Variants in SPATA6L observed in about 807,000 individuals in gnomAD.
SPATA6L encodes the protein spermatogenesis associated 6 like, also known as spermatogenesis associated 6-like protein.
Under a neutral mutation model 49.2 loss-of-function variants are expected in SPATA6L, and 68 were observed. The ratio of observed to expected loss-of-function variants is 1.38; its 90% CI spans 1.14 to 1.69. The LOEUF is 1.69. SPATA6L is among the 40% of genes most tolerant of loss of function. The probability of loss-of-function intolerance (pLI) is 0.00; values close to 1 mark genes in which losing one functional copy is unlikely to be tolerated. For synonymous variants in SPATA6L, 198 were observed against 165.7 expected, an observed-to-expected ratio of 1.19 and a Z score of -1.50; for missense variants, 668 against 464.3, an observed-to-expected ratio of 1.44 and a Z score of -4.03.
intron 13 of SPATA6L, among the ~76,000 whole-genome samples, chr9:4,590,037 C>T (rs1017776430): frequency 6.6e-6 from 1 of 152,170 alleles, no homozygotes; most frequent in African/African-American, 2.4e-5. Context: ...GATTCTCCCG[C>T]CTCAGCCTCC....
At chr9:4,607,660 G>C (rs1344307550) in intron 9 of SPATA6L, among the ~76,000 whole-genome samples, 1 of 151,832 alleles carries the variant, frequency 6.6e-6, no homozygotes, top group African/African-American at 2.4e-5. Flanking sequence ...AACATGGAAA[G>C]GAACAACCGG....
chr9:4,619,608 T>A (rs1587112166), intron 7 of SPATA6L, among the ~76,000 whole-genome samples: 1 of 152,194 alleles, frequency 6.6e-6, no homozygotes, highest in East Asian at 1.9e-4. Flanking sequence ...ATATAAAATT[T>A]ATAAACTCTG....
chr9:4,643,868 G>A (rs960430483), intron 3 of SPATA6L, among the ~76,000 whole-genome samples: 3 of 151,998 alleles, frequency 2.0e-5, no homozygotes, highest in Non-Finnish European at 2.9e-5. Context: ...TTAGCTGGAC[G>A]CATTGGCAGG....
At chr9:4,589,673 T>C (rs1564077231) in intron 13 of SPATA6L, among the ~76,000 whole-genome samples, 1 of 152,192 alleles carries the variant, frequency 6.6e-6, no homozygotes, top group Non-Finnish European at 1.5e-5. Flanking sequence ...GAGATGTACC[T>C]TCACATAACA....
intron 2 of SPATA6L, among the ~76,000 whole-genome samples, chr9:4,660,996 A>G (rs1839556560): frequency 6.6e-6 from 1 of 152,180 alleles, no homozygotes; most frequent in Non-Finnish European, 1.5e-5. Context: ...ACACTTGGAC[A>G]CAGGGTGGGG....
At chr9:4,661,830 AC>A in intron 2 of SPATA6L, 68 bp downstream of exon 2, 1 of 1,556,992 alleles carries the variant, frequency 6.4e-7, no homozygotes, top group Non-Finnish European at 8.8e-7. Flanking sequence ...TGCTGTAAGA[AC>A]TCTGTTCTTT....
rs1482148707 is a variant in SPATA6L, at chr9:4,606,742, CT to C, written c.996-1303del. Among the ~76,000 whole-genome samples, 4 of 146,538 alleles carry C rather than the reference CT, an allele frequency of 2.7e-5. No individual in the cohort carries two copies. The Admixed American group carries it at 2.8e-4, about 10-fold the overall frequency. Reference sequence around the variant, plus strand: ...AACTCTAAAAAGCAGAGCGCCTCTCCTCCTCCAAAGGAATGCAGTTCCTCAC... The same window carrying C: ...AACTCTAAAAAGCAGAGCGCCTCTCCCCTCCAAAGGAATGCAGTTCCTCAC... On this transcript the variant is annotated intron_variant, in intron 9 of 11. Transcript: ENST00000682582.
intron 3 of SPATA6L, among the ~76,000 whole-genome samples, chr9:4,641,418 T>C (rs1834010940): frequency 6.6e-6 from 1 of 152,012 alleles, no homozygotes; most frequent in Admixed American, 6.6e-5. Context: ...AAATAAGAAA[T>C]AAAATGGTGT....
In SPATA6L at chr9:4,599,706, T is replaced by C. The variant is rs987697700; in HGVS notation, c.*1105A>G. On this transcript the variant is annotated 3_prime_UTR_variant, in exon 12 of 12. Transcript: ENST00000682582. ...CAGTGGAAGGGGCAAACGAGCTCCCTTGAGCCTATTTATAGGGCACTAATC... is the reference window on the plus strand; with the variant it reads ...CAGTGGAAGGGGCAAACGAGCTCCCCTGAGCCTATTTATAGGGCACTAATC... 5.3e-5 allele frequency among the ~76,000 whole-genome samples: 8 copies of C among 152,336 alleles called. No individual in the cohort carries two copies. Among genetic ancestry groups the C allele is most frequent in the East Asian group, 1.9e-4 (1 of 5,180 alleles).
chr9:4,604,981 C>A (rs1477730578), intron 10 of SPATA6L, among the ~76,000 whole-genome samples: 2 of 152,212 alleles, frequency 1.3e-5, no homozygotes, highest in African/African-American at 2.4e-5. Flanking sequence ...CAACTGTATT[C>A]TTCCCTGGAC....
At chr9:4,648,437 C>T (rs150450266) in intron 3 of SPATA6L, among the ~76,000 whole-genome samples, 3,346 of 152,164 alleles carry the variant, frequency 0.022, 117 homozygotes, top group African/African-American at 0.077. Context: ...CCGTGGCTCA[C>T]GCCTGTAATC....
intron 7 of SPATA6L, among the ~76,000 whole-genome samples, chr9:4,619,159 T>TC (rs1828698985): frequency 1.4e-5 from 2 of 145,804 alleles, no homozygotes; most frequent in Non-Finnish European, 3.0e-5. Flanking sequence ...TTTTCTCTTT[T>TC]TTTTTTTTTT....
downstream of SPATA6L, among the ~76,000 whole-genome samples, chr9:4,597,177 G>T (rs1822330673): frequency 6.6e-6 from 1 of 152,142 alleles, no homozygotes; most frequent in Non-Finnish European, 1.5e-5. Context: ...ACTCGGAGGG[G>T]CGCAGTGGCT....
At position 4,653,867 on chromosome 9, in the gene SPATA6L, G is replaced by C. The variant is rs116724175; in HGVS notation, c.226+2174C>G. ...TGGGAAGATCACTTGAGCCCAGAAA[G>C]TTGAGGCTTCAGTAAGCTATGATCG... On this transcript the variant is annotated intron_variant, in intron 3 of 11. Coordinates refer to ENST00000682582, the MANE Select transcript of SPATA6L (RefSeq NM_001353486.2). Among the ~76,000 whole-genome samples the C allele has an allele frequency of 2.1e-3, 324 of 152,342 alleles. 1 individual carries two copies. The highest frequency in any genetic ancestry group is 7.2e-3 in the African/African-American group (298 of 41,576).
chr9:4,635,051 A>T (rs893400696), intron 4 of SPATA6L, among the ~76,000 whole-genome samples: 4 of 152,352 alleles, frequency 2.6e-5, no homozygotes, highest in African/African-American at 9.6e-5. Context: ...TGACAATGTA[A>T]ATATGGCAAT....
At position 4,605,279 on chromosome 9, in the gene SPATA6L, C is replaced by A; in HGVS notation, c.1089+68G>T. ...ATTTGATTAATGTCTGTCTCCCCGA[C>A]TAGACTGTAGGTCCCTGTTCACATA... is the stretch of plus-strand genomic sequence containing the variant. On this transcript the variant is annotated intron_variant, in intron 10 of 11. Coordinates refer to ENST00000682582, the MANE Select transcript of SPATA6L (RefSeq NM_001353486.2). 4 of 1,223,222 alleles carry A rather than the reference C, an allele frequency of 3.3e-6. No individual in the cohort carries two copies. In the South Asian group the frequency reaches 4.9e-5, roughly 15 times the overall value. 75.8% of individuals were successfully genotyped at this position (1,223,222 alleles called of 1,614,324 possible).
chr9:4,649,048 G>A (rs367643134), intron 3 of SPATA6L, among the ~76,000 whole-genome samples: 2 of 122,754 alleles, frequency 1.6e-5, no homozygotes, highest in Non-Finnish European at 3.3e-5. Flanking sequence ...CATATATAAT[G>A]GAATATAGAA....
chr9:4,604,394 C>T, intron 10 of SPATA6L, 125 bp from the exon 11 acceptor site: 1 of 599,956 alleles, frequency 1.7e-6, no homozygotes, highest in East Asian at 2.9e-5. Context: ...ATGGGGTTCA[C>T]TATATATGTG....
chr9:4,594,656 G>T (rs1053426576), downstream of SPATA6L, among the ~76,000 whole-genome samples: 1 of 152,108 alleles, frequency 6.6e-6, no homozygotes, highest in Admixed American at 6.6e-5. Context: ...GTCTGCTCTG[G>T]GATTCAGGTG....
Sources: gnomAD v4.1 joint callset for allele counts (sites outside exome capture counted in the v4.1 genomes callset) on GRCh38, gnomAD v4.1.1 for gene constraint, MANE v1.5 for transcripts, NCBI Gene and HGNC (gene_info 2026-07-23, HGNC 2026-07-21) for gene names.